ALDH3B1: variants seen among roughly 807,000 people sequenced by gnomAD.
ALDH3B1 encodes aldehyde dehydrogenase 3 family member B1.
A neutral mutation model predicts 46.2 loss-of-function variants in ALDH3B1; 37 were observed. That is an observed-to-expected ratio of 0.80 (90% confidence interval 0.62 to 1.05). The LOEUF is 1.05. ALDH3B1 is among the 50% of genes least tolerant of loss of function. The pLI is 0.00. For missense variants in ALDH3B1, 603 were observed against 665.5 expected (o/e 0.91, Z 1.03); for synonymous variants, 283 against 281.0 (o/e 1.01, Z -0.07).
intron 6 of ALDH3B1, 23 bp from the exon 7 acceptor site, chr11:68,021,462 C>G (rs373926550): frequency 1.3e-6 from 2 of 1,594,202 alleles, no homozygotes. Context: ...TGAACGGCCA[C>G]TCTGGTTTCC....
In ALDH3B1 at chr11:68,027,767, G is replaced by A. The variant is rs371253831; in HGVS notation, c.1235G>A (p.Arg412Gln). ...TGTACAGGTGCCAGTGGGATGGGCC[G>A]GTACCATGGCAAGTTCTCCTTCGAC... ...FGGVGASGMG[R>Q]YHGKFSFDTF... Residue 412 changes from arginine to glutamine, a missense_variant, in exon 10 of 10, where the codon CGG (arginine) becomes CAG (glutamine). Physicochemically the swap from Arg to Gln is conservative, Grantham distance 43. Transcript: ENST00000342456. 3.7e-5 allele frequency: 57 copies of A among 1,558,012 alleles called. No homozygotes were observed. Among genetic ancestry groups the A allele is most frequent in the African/African-American group, 1.5e-4 (11 of 74,078 alleles).
intron 2 of ALDH3B1, chr11:68,015,820 C>A (rs1276423336): frequency 4.2e-5 from 16 of 376,624 alleles, no homozygotes; most frequent in Non-Finnish European, 7.3e-5. Flanking sequence ...AGTCCCAGCA[C>A]TTTGGGAGGC....
chr11:68,025,932 A>G (rs929452149), intron 8 of ALDH3B1, 77 bp from the exon 9 acceptor site: 9 of 1,078,606 alleles, frequency 8.3e-6, no homozygotes, highest in Non-Finnish European at 1.2e-5. Context: ...CACAGAGTCC[A>G]GCATGGAACA....
At chr11:68,010,843 G>T (rs1857214358) in intron 1 of ALDH3B1, among the ~76,000 whole-genome samples, 1 of 152,250 alleles carries the variant, frequency 6.6e-6, no homozygotes, top group African/African-American at 2.4e-5. Context: ...GGCCATGAAT[G>T]ACTCTGGGAA....
At chr11:68,011,956 G>A (rs1024645879) in intron 1 of ALDH3B1, among the ~76,000 whole-genome samples, 10 of 152,230 alleles carry the variant, frequency 6.6e-5, no homozygotes, top group Non-Finnish European at 1.2e-4. Flanking sequence ...AAGAGGTCAA[G>A]CAACCTGCCC....
Position 68,021,543 on chromosome 11 carries a change from C to T in ALDH3B1, c.621C>T (p.Val207=). 1.9e-6 allele frequency: 3 copies of T among 1,614,086 alleles called. No individual in the cohort carries two copies. Among genetic ancestry groups the T allele is most frequent in the Non-Finnish European group, 2.5e-6 (3 of 1,179,980 alleles). The part of the protein sequence containing the change: ...MTAAAKHLTP[V]TLELGGKNPC... ...CTGCCGCCAAGCACCTGACACCTGT[C>T]ACCCTGGAGCTGGGGGGCAAGAACC... Residue 207 remains valine, a synonymous_variant, in exon 7 of 10, where the codon GTC becomes GTT. Coordinates refer to ENST00000342456, the MANE Select transcript of ALDH3B1 (RefSeq NM_000694.4).
chr11:68,018,809 C>T lies in ALDH3B1; in HGVS notation c.310C>T (p.Pro104Ser). ...QLDSAFIRKE[P>S]FGLVLIIAPW... Reference sequence around the variant, plus strand: ...GGACTCCGCCTTCATCCGGAAGGAGCCCTTTGGCCTGGTCCTCATCATTGC... The same window carrying T: ...GGACTCCGCCTTCATCCGGAAGGAGTCCTTTGGCCTGGTCCTCATCATTGC... The change falls in exon 4 of 10, where the codon CCC becomes TCC. Residue 104 changes from proline to serine, a missense_variant. Physicochemically the swap from Pro to Ser is moderately conservative, Grantham distance 74. Coordinates refer to ENST00000342456, the MANE Select transcript of ALDH3B1 (RefSeq NM_000694.4). The T allele has an allele frequency of 6.4e-7, 1 of 1,561,650 alleles. No homozygotes were observed. The highest frequency in any genetic ancestry group is 8.7e-7 in the Non-Finnish European group (1 of 1,153,214).
At chr11:68,011,071 T>A (rs1323918275) in intron 1 of ALDH3B1, among the ~76,000 whole-genome samples, 2 of 152,192 alleles carry the variant, frequency 1.3e-5, no homozygotes, top group African/African-American at 2.4e-5. Context: ...TGCTGAGCTT[T>A]GGGAGGCCTC....
Position 68,022,710 on chromosome 11 carries a change from C to T in ALDH3B1, c.1065C>T (p.Ile355=). 2 of 1,614,184 alleles carry T rather than the reference C, an allele frequency of 1.2e-6. No individual in the cohort carries two copies. Among genetic ancestry groups the T allele is most frequent in the South Asian group, 1.1e-5 (1 of 91,088 alleles). ...GCTTGGACGAGGCCATCGAGTTCATCAACCGGCGGGAGAAGCCCCTGGCCC... is the reference window on the plus strand; with the variant it reads ...GCTTGGACGAGGCCATCGAGTTCATTAACCGGCGGGAGAAGCCCCTGGCCC... ...VQSLDEAIEF[I]NRREKPLALY... is the part of the protein sequence containing the mutation. The change falls in exon 8 of 10, where the codon ATC becomes ATT. Residue 355 remains isoleucine, a synonymous_variant. Transcript: ENST00000342456.
In ALDH3B1 at chr11:68,018,642, G is replaced by A. The variant is rs961353800; in HGVS notation, c.273+5G>A. The stretch of plus-strand genomic sequence containing the variant: ...GAGCGTGTGCCCAAGAACCTGGTGA[G>A]CCGGCCGGGCTGAGGCGGGCAGGGG... On this transcript the variant is annotated splice_donor_5th_base_variant and intron_variant, in intron 3 of 9. Transcript: ENST00000342456. 8.9e-6 allele frequency: 14 copies of A among 1,566,352 alleles called. No individual in the cohort carries two copies. Among genetic ancestry groups the A allele is most frequent in the African/African-American group, 1.4e-5 (1 of 73,770 alleles).
rs750743033 is a variant in ALDH3B1, at chr11:68,022,639, CAGG to C, written c.1000_1002del (p.Glu334del). 12 of 1,613,960 alleles carry C rather than the reference CAGG, an allele frequency of 7.4e-6. No homozygotes were observed. The highest frequency in any genetic ancestry group is 5.3e-5 in the African/African-American group (4 of 74,920). Reference sequence around the variant, plus strand: ...TGTGCAGGAGATGGAGCCTGTGATGCAGGAGGAGATCTTCGGGCCCATCCTGCC... The same window carrying C: ...TGTGCAGGAGATGGAGCCTGTGATGCAGGAGATCTTCGGGCCCATCCTGCC... On this transcript the variant is annotated inframe_deletion, in exon 8 of 10. Transcript: ENST00000342456.
At chr11:68,019,016 G>C in intron 4 of ALDH3B1, 123 bp downstream of exon 4, 1 of 1,464,966 alleles carries the variant, frequency 6.8e-7, no homozygotes, top group South Asian at 1.3e-5. Flanking sequence ...CTGGTCCACC[G>C]TCCCCGGGCT....
rs563089229 is a variant in ALDH3B1 at position 68,022,714 on chromosome 11, C to A, written c.1069C>A (p.Arg357=). 1.9e-6 allele frequency: 3 copies of A among 1,614,044 alleles called. No individual in the cohort carries two copies. In the African/African-American group the frequency reaches 4.0e-5, roughly 22 times the overall value. ...SLDEAIEFIN[R]REKPLALYAF... is the part of the protein sequence containing the mutation. ...GGACGAGGCCATCGAGTTCATCAAC[C>A]GGCGGGAGAAGCCCCTGGCCCTGTA... The change falls in exon 8 of 10, where the codon CGG becomes AGG. Residue 357 remains arginine (R), a synonymous_variant. Transcript: ENST00000342456.
chr11:68,018,974 G>C, intron 4 of ALDH3B1, 81 bp downstream of exon 4: 1 of 1,502,386 alleles, frequency 6.7e-7, no homozygotes, highest in Non-Finnish European at 8.9e-7. Context: ...GGAGGACATG[G>C]GAGAACTGGC....
intron 8 of ALDH3B1, among the ~76,000 whole-genome samples, chr11:68,023,612 C>G (rs1857556153): frequency 6.6e-6 from 1 of 151,520 alleles, no homozygotes; most frequent in African/African-American, 2.4e-5. Flanking sequence ...GCCACTTGAA[C>G]TTTTTTTAAA....
In ALDH3B1 at chr11:68,021,569, C is replaced by T. The variant is rs1266012433; in HGVS notation, c.647C>T (p.Pro216Leu). The T allele has an allele frequency of 2.5e-6, 4 of 1,614,142 alleles. No homozygotes were observed. Among genetic ancestry groups the T allele is most frequent in the South Asian group, 1.1e-5 (1 of 91,090 alleles). The change falls in exon 7 of 10, where the codon CCT becomes CTT. Residue 216 changes from proline (P) to leucine (L), a missense_variant. By Grantham distance (98) the Pro-to-Leu change is moderately conservative. Coordinates refer to ENST00000342456, the MANE Select transcript of ALDH3B1 (RefSeq NM_000694.4). ...PVTLELGGKN[P>L]CYVDDNCDPQ... Reference sequence around the variant, plus strand: ...ACCCTGGAGCTGGGGGGCAAGAACCCTTGCTACGTGGACGACAACTGCGAC... The same window carrying T: ...ACCCTGGAGCTGGGGGGCAAGAACCTTTGCTACGTGGACGACAACTGCGAC...
Position 68,021,576 on chromosome 11 carries a change from C to G in ALDH3B1, c.654C>G (p.Tyr218Ter). The G allele has an allele frequency of 6.2e-7, 1 of 1,614,110 alleles. No individual in the cohort carries two copies. The highest frequency in any genetic ancestry group is 8.5e-7 in the Non-Finnish European group (1 of 1,179,986). The change falls in exon 7 of 10, where the codon TAC becomes TAG. Residue 218 changes from tyrosine (Y) to a stop codon, truncating the protein, a stop_gained. Transcript: ENST00000342456. LOFTEE classifies it high-confidence loss of function. ...AGCTGGGGGGCAAGAACCCTTGCTACGTGGACGACAACTGCGACCCCCAGA... is the reference window on the plus strand; with the variant it reads ...AGCTGGGGGGCAAGAACCCTTGCTAGGTGGACGACAACTGCGACCCCCAGA... Reference protein sequence around the residue: ...TLELGGKNPCYVDDNCDPQTV... With the variant: ...TLELGGKNPC
In ALDH3B1 at chr11:68,026,124, C is replaced by G; in HGVS notation, c.1216+16C>G. 6.3e-7 allele frequency: 1 copy of G among 1,582,116 alleles called. No homozygotes were observed. Among genetic ancestry groups the G allele is most frequent in the Non-Finnish European group, 8.6e-7 (1 of 1,163,408 alleles). ...GGAGGAGTGGGTAGGTGCCTGCTAC[C>G]CTGCCCTTCTGTTACCATTTGGTCA... On this transcript the variant is annotated intron_variant, in intron 9 of 9. Transcript: ENST00000342456.
At position 68,028,340 on chromosome 11, in the gene ALDH3B1, T is replaced by C. The variant is rs1854636528; in HGVS notation, c.*401T>C. The C allele has an allele frequency of 5.4e-6, 2 of 367,878 alleles. No individual in the cohort carries two copies. The highest frequency in any genetic ancestry group is 5.3e-6 in the Non-Finnish European group (1 of 187,666). 22.8% of individuals were successfully genotyped at this position (367,878 alleles called of 1,614,324 possible). On this transcript the variant is annotated 3_prime_UTR_variant, in exon 10 of 10. Transcript: ENST00000342456. ...CATCCAAGGCCATTCCTGCCCTCTC[T>C]GAGTCTCAGTTTTTCCATTTGTTCA...
Sources: allele counts gnomAD v4.1 joint callset (sites outside exome capture counted in the v4.1 genomes callset), GRCh38; gene constraint gnomAD v4.1.1; transcripts MANE v1.5; gene names NCBI Gene and HGNC (gene_info 2026-07-23, HGNC 2026-07-21).